DNAH14: variants seen among roughly 807,000 people sequenced by gnomAD.
DNAH14 encodes axonemal beta dynein heavy chain 14.
A neutral mutation model predicts 520.9 loss-of-function variants in DNAH14; 478 were observed. The observed-to-expected ratio is 0.92, with a 90% confidence interval of 0.85 to 0.99. DNAH14 has a LOEUF of 0.99. DNAH14 is among the 50% of genes least tolerant of loss of function. DNAH14 has a pLI of 0.00. For missense variants in DNAH14, 4,831 were observed against 5,234.5 expected (o/e 0.92, Z 2.38); for synonymous variants, 1,581 against 1,757.2 (o/e 0.90, Z 2.51).
At position 225,349,170 on chromosome 1, in the gene DNAH14, A is replaced by T. The variant is rs899591468; in HGVS notation, c.11297-2477A>T. Among the ~76,000 whole-genome samples the T allele has an allele frequency of 1.7e-4, 26 of 152,266 alleles. 1 individual carries two copies. Among genetic ancestry groups the T allele is most frequent in the African/African-American group, 6.3e-4 (26 of 41,568 alleles). On this transcript the variant is annotated intron_variant, in intron 71 of 85. Coordinates refer to ENST00000682510, the MANE Select transcript of DNAH14 (RefSeq NM_001367479.1). The stretch of plus-strand genomic sequence containing the variant: ...AAATTTTTGGTAGAGACGAGGTCTC[A>T]CTATGTTGCCCAGGCTGGCAGTAGA...
At chr1:225,395,421 G>A (rs1316211547) in intron 84 of DNAH14, among the ~76,000 whole-genome samples, 1 of 152,028 alleles carries the variant, frequency 6.6e-6, no homozygotes, top group Non-Finnish European at 1.5e-5. Context: ...GTGAAACCCC[G>A]TCTCTACTGA....
intron 1 of DNAH14, among the ~76,000 whole-genome samples, chr1:224,946,367 C>G (rs1188731211): frequency 6.6e-6 from 1 of 152,142 alleles, no homozygotes; most frequent in Non-Finnish European, 1.5e-5. Context: ...GTGGGAGTGA[C>G]CCGATTTTCC....
chr1:224,977,035 A>G (rs879458803), intron 8 of DNAH14, among the ~76,000 whole-genome samples: 114 of 151,514 alleles, frequency 7.5e-4, no homozygotes, highest in Admixed American at 1.3e-3. Flanking sequence ...AGACACATGC[A>G]CACGTATGTT....
At chr1:225,038,889 T>G (rs2067202693) in intron 12 of DNAH14, 66 bp downstream of exon 12, 1 of 1,330,352 alleles carries the variant, frequency 7.5e-7, no homozygotes, top group East Asian at 2.8e-5. Context: ...TTTTAAAATT[T>G]AAAATGTGAT....
intron 80 of DNAH14, 33 bp downstream of exon 80, chr1:225,380,355 C>A: frequency 6.5e-7 from 1 of 1,530,690 alleles, no homozygotes; most frequent in Non-Finnish European, 8.8e-7. Context: ...TTCCCCTTAC[C>A]TCACTCTCCT....
intron 36 of DNAH14, 111 bp from the exon 37 acceptor site, chr1:225,185,180 A>G: frequency 8.4e-7 from 1 of 1,196,508 alleles, no homozygotes; most frequent in East Asian, 3.0e-5. Flanking sequence ...AAAGAACACA[A>G]ACTCATTTAT....
At chr1:225,320,616 A>G (rs1476921027) in intron 61 of DNAH14, among the ~76,000 whole-genome samples, 6 of 152,220 alleles carry the variant, frequency 3.9e-5, no homozygotes, top group Non-Finnish European at 8.8e-5. Flanking sequence ...AGCTTAGTCC[A>G]TTCTCTTCCC....
At chr1:225,306,359 G>A (rs1382121048) in intron 58 of DNAH14, among the ~76,000 whole-genome samples, 1 of 152,162 alleles carries the variant, frequency 6.6e-6, no homozygotes, top group African/African-American at 2.4e-5. Context: ...GTTTCAAGGA[G>A]AGGCTGTTCA....
intron 60 of DNAH14, among the ~76,000 whole-genome samples, chr1:225,317,973 T>C (rs1350867863): frequency 6.6e-6 from 1 of 152,196 alleles, no homozygotes; most frequent in East Asian, 1.9e-4. Context: ...GTAGTTTTAC[T>C]ATATAGGGAA....
chr1:225,211,616 G>A (rs1314274923), intron 41 of DNAH14, among the ~76,000 whole-genome samples: 2 of 152,038 alleles, frequency 1.3e-5, no homozygotes, highest in Admixed American at 1.3e-4. Flanking sequence ...TAGCAAGCCA[G>A]GCCAAAATTC....
At position 225,117,936 on chromosome 1, in the gene DNAH14, A is replaced by T; in HGVS notation, c.4028A>T (p.Asp1343Val). 6.4e-7 allele frequency: 1 copy of T among 1,551,556 alleles called. No homozygotes were observed. The highest frequency in any genetic ancestry group is 8.7e-7 in the Non-Finnish European group (1 of 1,146,886). Residue 1343 changes from aspartate (D) to valine (V), a missense_variant, in exon 25 of 86, where the codon GAC (aspartate) becomes GTC (valine). Asp to Val is a radical substitution (Grantham distance 152). Transcript: ENST00000682510. ...AAACAATTATTGATATGGAAACAAG[A>T]CATTGGCCCTCCTGCTGTAAAAATG... The part of the protein sequence containing the change: ...NIKQLLIWKQ[D>V]IGPPAVKMLI...
At chr1:225,301,612 C>T (rs576670646) in intron 56 of DNAH14, among the ~76,000 whole-genome samples, 1 of 152,258 alleles carries the variant, frequency 6.6e-6, no homozygotes, top group African/African-American at 2.4e-5. Context: ...CGACCAGTGG[C>T]TTAGCAAATA....
intron 7 of DNAH14, among the ~76,000 whole-genome samples, chr1:224,970,187 C>T (rs372760382): frequency 3.5e-4 from 53 of 152,126 alleles, no homozygotes; most frequent in African/African-American, 1.1e-3. Flanking sequence ...CTTCGGGGGG[C>T]GGCTGTATTT....
Position 225,168,740 on chromosome 1 carries a change from T to C in DNAH14, c.5535+712T>C, listed in dbSNP as rs369438796. On this transcript the variant is annotated intron_variant, in intron 36 of 85. Coordinates refer to ENST00000682510, the MANE Select transcript of DNAH14 (RefSeq NM_001367479.1). The stretch of plus-strand genomic sequence containing the variant: ...CCTCTGGGGGCAGGGCACAGCCAAA[T>C]AAAAAATAGCAGAAACCTCTGCAGA... Among the ~76,000 whole-genome samples the C allele has an allele frequency of 9.0e-4, 137 of 152,100 alleles. 1 individual carries two copies. Among genetic ancestry groups the C allele is most frequent in the African/African-American group, 3.1e-3 (130 of 41,512 alleles).
intron 60 of DNAH14, among the ~76,000 whole-genome samples, chr1:225,317,047 T>C (rs1430391467): frequency 6.6e-6 from 1 of 152,208 alleles, no homozygotes; most frequent in Non-Finnish European, 1.5e-5. Flanking sequence ...TAAGCAGCAA[T>C]GGCTTTTCGA....
chr1:225,058,090 C>G (rs1265303402), intron 17 of DNAH14, among the ~76,000 whole-genome samples: 2 of 152,076 alleles, frequency 1.3e-5, no homozygotes, highest in African/African-American at 4.8e-5. Context: ...GATTGGAATA[C>G]TTTCAGAAGG....
rs569349532 is a variant in DNAH14, at chr1:225,130,747, C to G, written c.4254+7133C>G. ...ATGACGAGTTAATGGGTGCAGCACA[C>G]CAGCATGGCACATGTATACATATGT... On this transcript the variant is annotated intron_variant, in intron 27 of 85. Coordinates refer to ENST00000682510, the MANE Select transcript of DNAH14 (RefSeq NM_001367479.1). Among the ~76,000 whole-genome samples, 549 of 149,626 alleles carry G rather than the reference C, an allele frequency of 3.7e-3. 4 individuals are homozygous for G. Among genetic ancestry groups the G allele is most frequent in the African/African-American group, 0.013 (518 of 40,602 alleles).
At chr1:225,316,844 C>T (rs770533107) in intron 60 of DNAH14, among the ~76,000 whole-genome samples, 11 of 152,288 alleles carry the variant, frequency 7.2e-5, no homozygotes, top group Admixed American at 5.9e-4. Flanking sequence ...CTTTTTTCTA[C>T]GTTTTCTCAC....
At chr1:225,334,400 G>A (rs2094867783) in intron 66 of DNAH14, among the ~76,000 whole-genome samples, 1 of 152,190 alleles carries the variant, frequency 6.6e-6, no homozygotes, top group Admixed American at 6.5e-5. Context: ...GAAGGCTGAG[G>A]TGGGAGGATC....
Sources: allele counts gnomAD v4.1 joint callset (sites outside exome capture counted in the v4.1 genomes callset), GRCh38; gene constraint gnomAD v4.1.1; transcripts MANE v1.5; gene names NCBI Gene and HGNC (gene_info 2026-07-23, HGNC 2026-07-21).